BICDL1: variants seen among roughly 807,000 people sequenced by gnomAD.
BICDL1 encodes BICD family-like cargo adapter 1.
A neutral mutation model predicts 76.8 loss-of-function variants in BICDL1; 20 were observed. The ratio of observed to expected loss-of-function variants is 0.26; its 90% CI spans 0.18 to 0.38. The LOEUF (loss-of-function observed/expected upper bound fraction) is 0.38. Ranked by LOEUF, BICDL1 falls within the 10% of genes least tolerant of loss-of-function variation. The pLI, the probability that BICDL1 is intolerant of heterozygous loss-of-function variation, is 1.00. For synonymous variants in BICDL1, 383 were observed against 337.1 expected (o/e 1.14, Z -1.49); for missense variants, 700 against 798.6 (o/e 0.88, Z 1.49).
intron 3 of BICDL1, 103 bp from the exon 4 acceptor site, chr12:120,064,630 T>C: frequency 8.6e-7 from 1 of 1,168,716 alleles, no homozygotes; most frequent in Non-Finnish European, 1.2e-6. Flanking sequence ...TTGGGCAGAA[T>C]ACTGAAAGAT....
At chr12:120,092,598 G>A in intron 9 of BICDL1, 1 of 985,462 alleles carries the variant, frequency 1.0e-6, no homozygotes, top group African/African-American at 1.7e-5. Flanking sequence ...GGGCCTGCCG[G>A]GGCTGGGGGT....
chr12:120,015,854 T>A (rs1226673886), intron 2 of BICDL1, among the ~76,000 whole-genome samples: 1 of 152,242 alleles, frequency 6.6e-6, no homozygotes, highest in African/African-American at 2.4e-5. Flanking sequence ...ACCCCCTTTT[T>A]AAAACCTAAT....
rs751278060 is a variant in BICDL1, at chr12:120,093,102, G to A, written c.1807G>A (p.Gly603Arg). The A allele has an allele frequency of 6.2e-7, 1 of 1,613,392 alleles. No individual in the cohort carries two copies. The highest frequency in any genetic ancestry group is 8.5e-7 in the Non-Finnish European group (1 of 1,179,670). ...ALCRGHSAGR[G>R]DEPSIAEGKR... ...CTGCAGGGGCCACAGCGCTGGGCGGGGGGATGAGCCCAGCATCGCTGAAGG... is the reference window on the plus strand; with the variant it reads ...CTGCAGGGGCCACAGCGCTGGGCGGAGGGATGAGCCCAGCATCGCTGAAGG... Residue 603 changes from glycine (G) to arginine (R), a missense_variant, in exon 10 of 10, where the codon GGG (glycine) becomes AGG (arginine). This residue lies in a region of BICDL1 where 455 missense variants were observed against 548.7 expected (regional missense o/e 0.83). Transcript: ENST00000548673.
chr12:120,017,452 C>A (rs1342138090), intron 2 of BICDL1, among the ~76,000 whole-genome samples: 1 of 152,044 alleles, frequency 6.6e-6, no homozygotes, highest in Non-Finnish European at 1.5e-5. Context: ...AAAATGGAGA[C>A]CTGCCTCATA....
chr12:120,033,914 G>C (rs1265053806), intron 2 of BICDL1, among the ~76,000 whole-genome samples: 1 of 152,160 alleles, frequency 6.6e-6, no homozygotes, highest in Non-Finnish European at 1.5e-5. Context: ...CTGGACTGTG[G>C]TGGTGATGTG....
Position 120,072,699 on chromosome 12 carries a change from A to G in BICDL1, c.1278A>G (p.Ile426Met). ...RTALNELKRL[I>M]QSIVDGMEPT... ...CCCTCAATGAGCTCAAGAGACTGAT[A>G]CAGAGCATTGTGGATGGCATGGAGC... Residue 426 changes from isoleucine (I) to methionine (M), a missense_variant, in exon 6 of 10, where the codon ATA becomes ATG. Coordinates refer to ENST00000548673, the MANE Select transcript of BICDL1 (RefSeq NM_001367886.1). 1 of 1,613,678 alleles carries G rather than the reference A, an allele frequency of 6.2e-7. No homozygotes were observed. The highest frequency in any genetic ancestry group is 8.5e-7 in the Non-Finnish European group (1 of 1,180,026).
At chr12:119,992,854 G>C (rs1594083094) in intron 1 of BICDL1, 1 of 152,264 alleles carries the variant, frequency 6.6e-6, no homozygotes, top group Admixed American at 6.5e-5. Flanking sequence ...AGAAACATGT[G>C]AGTGGACTGA....
intron 9 of BICDL1, chr12:120,091,814 C>G (rs1046544649): frequency 1.0e-6 from 1 of 985,346 alleles, no homozygotes; most frequent in African/African-American, 1.7e-5. Flanking sequence ...AGTGGACAAG[C>G]TGCTCAGATG....
Position 120,067,371 on chromosome 12 carries a change from C to A in BICDL1, c.909+2492C>A, listed in dbSNP as rs1435026231. 2.6e-5 allele frequency among the ~76,000 whole-genome samples: 4 copies of A among 152,260 alleles called. No homozygotes were observed. The East Asian group carries it at 7.7e-4, about 29-fold the overall frequency. ...GCTGATTGTGTACCATTAGGCAAAT[C>A]ACGTAACATCACACCATCCCAGTTC... On this transcript the variant is annotated intron_variant, in intron 4 of 9. Coordinates refer to ENST00000548673, the MANE Select transcript of BICDL1 (RefSeq NM_001367886.1).
At position 120,002,945 on chromosome 12, in the gene BICDL1, T is replaced by C. The variant is rs541079897; in HGVS notation, c.645+4209T>C. ...GCTAAGGCGGGCAGATCACCTGAGG[T>C]CAGGCATTTGAGACCAGCCTGGCCA... On this transcript the variant is annotated intron_variant, in intron 2 of 9. Coordinates refer to ENST00000548673, the MANE Select transcript of BICDL1 (RefSeq NM_001367886.1). 5.3e-5 allele frequency among the ~76,000 whole-genome samples: 8 copies of C among 152,184 alleles called. No individual in the cohort carries two copies. The South Asian group carries it at 1.7e-3, about 32-fold the overall frequency.
intron 2 of BICDL1, among the ~76,000 whole-genome samples, chr12:120,013,807 A>C (rs1952007644): frequency 6.6e-6 from 1 of 152,180 alleles, no homozygotes; most frequent in Non-Finnish European, 1.5e-5. Context: ...CATGCATATT[A>C]TGGCAGGGAT....
chr12:120,073,165 C>T (rs542551560), intron 6 of BICDL1, among the ~76,000 whole-genome samples: 1 of 152,194 alleles, frequency 6.6e-6, no homozygotes, highest in Non-Finnish European at 1.5e-5. Context: ...TGAGCCACCA[C>T]GCCAGGCCGT....
At chr12:119,999,850 G>T (rs1443800893) in intron 2 of BICDL1, 4 of 425,954 alleles carry the variant, frequency 9.4e-6, no homozygotes, top group East Asian at 7.2e-5. Flanking sequence ...GGAGGAAAAA[G>T]AACTTCTCTG....
At chr12:120,010,472 A>C (rs756184682) in intron 2 of BICDL1, among the ~76,000 whole-genome samples, 5 of 152,316 alleles carry the variant, frequency 3.3e-5, no homozygotes, top group Middle Eastern at 3.4e-3. Flanking sequence ...GCTTCACATA[A>C]GATTTCATAT....
intron 2 of BICDL1, among the ~76,000 whole-genome samples, chr12:120,053,333 C>G (rs1033133101): frequency 6.6e-6 from 1 of 152,214 alleles, no homozygotes; most frequent in South Asian, 2.1e-4. Context: ...ATCCACCCGC[C>G]TCGGCCTTCC....
In BICDL1 at chr12:120,057,970, A is replaced by G. The variant is rs190405684; in HGVS notation, c.646-3740A>G. 1.4e-3 allele frequency among the ~76,000 whole-genome samples: 213 copies of G among 151,880 alleles called. 1 individual carries two copies. The highest frequency in any genetic ancestry group is 5.8e-3 in the South Asian group (28 of 4,798). On this transcript the variant is annotated intron_variant, in intron 2 of 9. Transcript: ENST00000548673. Reference sequence around the variant, plus strand: ...CTCAGCCTCCCGAATAGCTGGGACCACAGGCGCCCGCCACCACGCCTGGAG... The same window carrying G: ...CTCAGCCTCCCGAATAGCTGGGACCGCAGGCGCCCGCCACCACGCCTGGAG...
chr12:120,077,351 C>G (rs994542473), intron 7 of BICDL1, among the ~76,000 whole-genome samples: 5 of 152,214 alleles, frequency 3.3e-5, no homozygotes, highest in Non-Finnish European at 7.3e-5. Flanking sequence ...CCACTCCCAT[C>G]AGTGGCAAGG....
intron 7 of BICDL1, among the ~76,000 whole-genome samples, chr12:120,075,281 C>T (rs771005216): frequency 6.6e-6 from 1 of 152,166 alleles, no homozygotes; most frequent in South Asian, 2.1e-4. Flanking sequence ...AAACCTTGCT[C>T]CTGCCCCTGT....
rs371485529 is a variant in BICDL1 at position 119,994,792 on chromosome 12, A to G, written c.430-3729A>G. Among the ~76,000 whole-genome samples, 5 of 152,058 alleles carry G rather than the reference A, an allele frequency of 3.3e-5. No individual in the cohort carries two copies. In the East Asian group the frequency reaches 7.7e-4, roughly 23 times the overall value. On this transcript the variant is annotated intron_variant, in intron 1 of 9. Transcript: ENST00000548673. ...CATGAGCCACTGCGCCCAGCCATAG[A>G]CTCTATTTTTTAAAATGGTTTTAGA...
Sources: allele counts gnomAD v4.1 joint callset (sites outside exome capture counted in the v4.1 genomes callset), GRCh38; gene constraint gnomAD v4.1.1; regional missense constraint gnomAD v4.1.1; transcripts MANE v1.5; gene names NCBI Gene and HGNC (gene_info 2026-07-23, HGNC 2026-07-21).